Variants in ADGRV1 observed in about 807,000 individuals in gnomAD.
ADGRV1 encodes adhesion G protein-coupled receptor V1.
In ADGRV1, 359 loss-of-function variants were observed where a neutral mutation model predicts 596.2. That is an observed-to-expected ratio of 0.60 (90% confidence interval 0.55 to 0.66). ADGRV1 has a LOEUF of 0.66. Ranked by LOEUF, ADGRV1 falls within the 30% of genes least tolerant of loss-of-function variation. ADGRV1 has a pLI of 0.00. For missense variants in ADGRV1, 7,274 were observed against 7,575.6 expected (o/e 0.96, Z 1.48); for synonymous variants, 2,681 against 2,679.2 (o/e 1.00, Z -0.02).
chr5:90,652,521 G>T lies in ADGRV1; in HGVS notation c.3592G>T (p.Glu1198Ter), dbSNP rs2149463861. ...CCATGCTTTTCCAGATAAAATTCCTGAATTCAATGAATTTTATTTCCTAAA... is the reference window on the plus strand; with the variant it reads ...CCATGCTTTTCCAGATAAAATTCCTTAATTCAATGAATTTTATTTCCTAAA... Reference protein sequence around the residue: ...ILHAFPDKIPEFNEFYFLKLV... With the variant: ...ILHAFPDKIP The change falls in exon 19 of 90, where the codon GAA (glutamate) becomes TAA (stop). Residue 1198 changes from glutamate (E) to a stop codon, truncating the protein, a stop_gained. Coordinates refer to ENST00000405460, the MANE Select transcript of ADGRV1 (RefSeq NM_032119.4). LOFTEE classifies it high-confidence loss of function. The T allele has an allele frequency of 1.2e-6, 2 of 1,611,910 alleles. No homozygotes were observed. The highest frequency in any genetic ancestry group is 1.7e-6 in the Non-Finnish European group (2 of 1,178,636).
chr5:90,830,679 G>A (rs1188089942), intron 77 of ADGRV1, among the ~76,000 whole-genome samples: 2 of 152,110 alleles, frequency 1.3e-5, no homozygotes, highest in Admixed American at 6.6e-5. Context: ...ACTTATTTAT[G>A]GAACAATATA....
In ADGRV1 at chr5:90,757,066, G is replaced by A. The variant is rs1178304893; in HGVS notation, c.11845G>A (p.Gly3949Arg). Residue 3949 changes from glycine to arginine, a missense_variant, in exon 57 of 90, where the codon GGG (glycine) becomes AGG (arginine). Physicochemically the swap from Gly to Arg is moderately radical, Grantham distance 125. Transcript: ENST00000405460. Reference protein sequence around the residue: ...VPVVRLAGSFGAVNVYWKASP... With the variant: ...VPVVRLAGSFRAVNVYWKASP... ...TGTAGTCCGGCTGGCTGGAAGCTTTGGGGCAGTAAATGTTTATTGGAAAGC... is the reference window on the plus strand; with the variant it reads ...TGTAGTCCGGCTGGCTGGAAGCTTTAGGGCAGTAAATGTTTATTGGAAAGC... The A allele has an allele frequency of 6.2e-6, 10 of 1,613,856 alleles. No homozygotes were observed. The East Asian group carries it at 2.2e-4, about 36-fold the overall frequency.
chr5:90,640,278 A>C (rs1009735675), intron 11 of ADGRV1, among the ~76,000 whole-genome samples: 1 of 152,168 alleles, frequency 6.6e-6, no homozygotes, highest in African/African-American at 2.4e-5. Flanking sequence ...GTATTTAAGT[A>C]ATTTTTGGCA....
At chr5:90,670,535 G>A (rs1482562211) in intron 21 of ADGRV1, among the ~76,000 whole-genome samples, 1 of 152,162 alleles carries the variant, frequency 6.6e-6, no homozygotes, top group Non-Finnish European at 1.5e-5. Flanking sequence ...ATGAGGGGGT[G>A]TTTCCCAAAA....
chr5:90,627,616 A>G lies in ADGRV1; in HGVS notation c.1078A>G (p.Ile360Val). 1 of 1,613,946 alleles carries G rather than the reference A, an allele frequency of 6.2e-7. No homozygotes were observed. The highest frequency in any genetic ancestry group is 1.6e-4 in the Middle Eastern group (1 of 6,062). ...ACCGGAGATTGCTGAATCGTTTCAC[A>G]TTATGTTACTAAAAGATACCTTACA... ...TIPEIAESFH[I>V]MLLKDTLQGD... The change falls in exon 7 of 90, where the codon ATT becomes GTT. Residue 360 changes from isoleucine to valine, a missense_variant. Physicochemically the swap from Ile to Val is conservative, Grantham distance 29. This residue lies in a region of ADGRV1 where 1,715 missense variants were observed against 1,708.8 expected (regional missense o/e 1.00). Coordinates refer to ENST00000405460, the MANE Select transcript of ADGRV1 (RefSeq NM_032119.4).
intron 85 of ADGRV1, among the ~76,000 whole-genome samples, chr5:91,056,435 G>A (rs574865968): frequency 1.6e-4 from 25 of 152,116 alleles, no homozygotes; most frequent in Non-Finnish European, 2.2e-4. Flanking sequence ...ACTTTTCATC[G>A]CGCATCACAA....
chr5:90,933,034 G>A (rs1351535905), intron 83 of ADGRV1, among the ~76,000 whole-genome samples: 3 of 152,138 alleles, frequency 2.0e-5, no homozygotes, highest in African/African-American at 4.8e-5. Flanking sequence ...GACTTTTAAT[G>A]AACTTCAAAT....
At position 90,584,809 on chromosome 5, in the gene ADGRV1, A is replaced by G. The variant is rs141763618; in HGVS notation, c.22+25892A>G. On this transcript the variant is annotated intron_variant, in intron 1 of 89. Coordinates refer to ENST00000405460, the MANE Select transcript of ADGRV1 (RefSeq NM_032119.4). ...AGAAGTAAATACAGTATTAAGTTCT[A>G]CTATATTTTATTGTTCAAGTGGCCA... 4.3e-3 allele frequency among the ~76,000 whole-genome samples: 649 copies of G among 152,282 alleles called. 7 individuals carry two copies. Among genetic ancestry groups the G allele is most frequent in the Middle Eastern group, 0.01 (3 of 294 alleles).
intron 89 of ADGRV1, among the ~76,000 whole-genome samples, chr5:91,154,824 G>A (rs561818167): frequency 3.3e-5 from 5 of 152,140 alleles, no homozygotes; most frequent in South Asian, 2.1e-4. Context: ...ATCAGATCTC[G>A]TGAGACTCAC....
chr5:90,672,338 A>G (rs1561498505), intron 21 of ADGRV1, among the ~76,000 whole-genome samples: 2 of 152,228 alleles, frequency 1.3e-5, no homozygotes, highest in African/African-American at 2.4e-5. Context: ...ATTTATCTCT[A>G]TAATGGAATG....
At chr5:91,019,000 C>T (rs765895756) in intron 85 of ADGRV1, among the ~76,000 whole-genome samples, 4 of 151,980 alleles carry the variant, frequency 2.6e-5, no homozygotes, top group Non-Finnish European at 5.9e-5. Flanking sequence ...TTCAGGTTCT[C>T]ATCCTTTCAG....
At chr5:90,768,042 T>A (rs566365676) in intron 59 of ADGRV1, among the ~76,000 whole-genome samples, 8 of 152,306 alleles carry the variant, frequency 5.3e-5, no homozygotes, top group African/African-American at 1.9e-4. Context: ...TTTTCCTCAG[T>A]AATAAGAAGC....
intron 1 of ADGRV1, among the ~76,000 whole-genome samples, chr5:90,570,512 C>A (rs1207911600): frequency 6.6e-6 from 1 of 151,150 alleles, no homozygotes; most frequent in Admixed American, 6.6e-5. Context: ...AGCCATATTT[C>A]TTTAACTACT....
intron 21 of ADGRV1, among the ~76,000 whole-genome samples, chr5:90,668,160 T>G (rs1290773339): frequency 3.3e-5 from 5 of 151,924 alleles, no homozygotes; most frequent in Non-Finnish European, 7.4e-5. Flanking sequence ...TCCAGGCTGC[T>G]TTGTTTACCT....
chr5:90,725,798 G>A (rs1166831417), intron 48 of ADGRV1, 142 bp downstream of exon 48: 5 of 555,638 alleles, frequency 9.0e-6, no homozygotes, highest in Non-Finnish European at 1.3e-5. Flanking sequence ...TGTAAAGACT[G>A]GTTAGTTAAA....
At position 90,854,098 on chromosome 5, in the gene ADGRV1, C is replaced by A. The variant is rs1223708999; in HGVS notation, c.17491C>A (p.Leu5831Ile). The change falls in exon 81 of 90, where the codon CTC (leucine) becomes ATC (isoleucine). Residue 5831 changes from leucine (L) to isoleucine (I), a missense_variant. This residue lies in a region of ADGRV1 where 1,874 missense variants were observed against 1,970.2 expected (regional missense o/e 0.95). Transcript: ENST00000405460. ...GAGTGTGAAAGGTCAGAGTTCACAA[C>A]TCCTGACTAATGACAATGAGGTTCT... ...SLSVKGQSSQ[L>I]LTNDNEVLYR... 1 of 1,583,908 alleles carries A rather than the reference C, an allele frequency of 6.3e-7. No homozygotes were observed. The highest frequency in any genetic ancestry group is 8.6e-7 in the Non-Finnish European group (1 of 1,161,004).
At chr5:90,749,493 C>A (rs763378449) in intron 52 of ADGRV1, among the ~76,000 whole-genome samples, 1 of 152,170 alleles carries the variant, frequency 6.6e-6, no homozygotes, top group Non-Finnish European at 1.5e-5. Flanking sequence ...TATGTAACAT[C>A]TGTAACAATG....
intron 85 of ADGRV1, among the ~76,000 whole-genome samples, chr5:91,041,734 C>A (rs866003303): frequency 2.6e-5 from 4 of 151,966 alleles, no homozygotes; most frequent in Middle Eastern, 3.4e-3. Context: ...ATTTCAATTT[C>A]CTGAAGCTAG....
chr5:90,751,172 G>A (rs1274356132), intron 53 of ADGRV1, among the ~76,000 whole-genome samples: 1 of 152,136 alleles, frequency 6.6e-6, no homozygotes, highest in African/African-American at 2.4e-5. Context: ...GGATTTTGGG[G>A]AGATACATCT....
Sources: gnomAD v4.1 joint callset for allele counts (sites outside exome capture counted in the v4.1 genomes callset) on GRCh38, gnomAD v4.1.1 for gene constraint, gnomAD v4.1.1 regional missense constraint, MANE v1.5 for transcripts, NCBI Gene and HGNC (gene_info 2026-07-23, HGNC 2026-07-21) for gene names.